The following SPARCL1 variants were observed in gnomAD, a reference collection of about 807,000 sequenced individuals.
The protein encoded by SPARCL1 is SPARC like 1, also known as SPARC-like protein 1.
In SPARCL1, 52 loss-of-function variants were observed where a neutral mutation model predicts 67.1. The observed-to-expected ratio is 0.78, with a 90% CI of 0.62 to 0.98. The LOEUF is 0.98. Among genes scored for constraint, SPARCL1 ranks in the 50% least tolerant of loss-of-function variants. The pLI is 0.00. For synonymous variants in SPARCL1, 226 were observed against 267.8 expected (o/e 0.84, Z 1.52); for missense variants, 717 against 782.4 (o/e 0.92, Z 1.00).
intron 1 of SPARCL1, among the ~76,000 whole-genome samples, chr4:87,499,894 T>C (rs1724777265): frequency 7.7e-6 from 1 of 129,784 alleles, no homozygotes; most frequent in Non-Finnish European, 1.6e-5. Context: ...GTATTCATAA[T>C]GAAAAAAAAA....
chr4:87,511,775 G>C (rs529903727), intron 1 of SPARCL1, among the ~76,000 whole-genome samples: 6 of 152,186 alleles, frequency 3.9e-5, no homozygotes, highest in African/African-American at 1.4e-4. Context: ...GTGGATGCCA[G>C]CCTGCAGTGA....
At chr4:87,511,936 A>ATTCCT (rs1207016258) in intron 1 of SPARCL1, among the ~76,000 whole-genome samples, 83 of 146,604 alleles carry the variant, frequency 5.7e-4, no homozygotes, top group South Asian at 4.6e-3. Flanking sequence ...GATCATTCAG[A>ATTCCT]TTCCTTTCCT....
In SPARCL1 at chr4:87,491,454, G is replaced by A. The variant is rs554677611; in HGVS notation, c.1291+164C>T. Among the ~76,000 whole-genome samples, 14 of 152,330 alleles carry A rather than the reference G, an allele frequency of 9.2e-5. No individual in the cohort carries two copies. The South Asian group carries it at 2.9e-3, about 32-fold the overall frequency. Reference sequence around the variant, plus strand: ...TTACCCATTGTTGTATATCAAGTATGCACAAGAAAATGTCAACAATTTATG... The same window carrying A: ...TTACCCATTGTTGTATATCAAGTATACACAAGAAAATGTCAACAATTTATG... On this transcript the variant is annotated intron_variant, in intron 5 of 10. Coordinates refer to ENST00000282470, the MANE Select transcript of SPARCL1 (RefSeq NM_004684.6).
chr4:87,494,733 T>C, intron 3 of SPARCL1, 135 bp from the exon 4 acceptor site: 1 of 886,234 alleles, frequency 1.1e-6, no homozygotes, highest in Non-Finnish European at 1.7e-6. Context: ...TTCCTCACAC[T>C]CTGTAGCCAC....
At chr4:87,492,114 T>G (rs1724372090) in intron 4 of SPARCL1, among the ~76,000 whole-genome samples, 1 of 150,520 alleles carries the variant, frequency 6.6e-6, no homozygotes, top group South Asian at 2.1e-4. Flanking sequence ...CAAGACTCCA[T>G]CTCTAAAAAC....
intron 1 of SPARCL1, among the ~76,000 whole-genome samples, chr4:87,502,481 C>T (rs954255620): frequency 2.6e-5 from 4 of 152,178 alleles, no homozygotes; most frequent in Non-Finnish European, 4.4e-5. Flanking sequence ...TCTATGAGAT[C>T]AACTTTTTCG....
At chr4:87,525,976 A>G (rs6814797) in intron 1 of SPARCL1, among the ~76,000 whole-genome samples, 46,125 of 152,064 alleles carry the variant, frequency 0.3, 7,695 homozygotes, top group South Asian at 0.42. Flanking sequence ...TTTCACTTGA[A>G]TTTCAGTTAG....
intron 2 of SPARCL1, among the ~76,000 whole-genome samples, chr4:87,496,181 G>A (rs1008125923): frequency 4.6e-5 from 7 of 152,012 alleles, no homozygotes; most frequent in African/African-American, 9.6e-5. Context: ...TTGACAGGTC[G>A]TTAATATTTT....
chr4:87,508,109 T>C (rs1045192565), intron 1 of SPARCL1, among the ~76,000 whole-genome samples: 1 of 152,200 alleles, frequency 6.6e-6, no homozygotes, highest in Admixed American at 6.5e-5. Context: ...ATAGGCACCA[T>C]TGACAACCAC....
chr4:87,522,679 A>G (rs73840208), intron 1 of SPARCL1, among the ~76,000 whole-genome samples: 16,839 of 148,296 alleles, frequency 0.11, 1,799 homozygotes, highest in East Asian at 0.36. Flanking sequence ...ACACACACAC[A>G]CACGCACACA....
At position 87,491,687 on chromosome 4, in the gene SPARCL1, T is replaced by G; in HGVS notation, c.1222A>C (p.Lys408Gln). The change falls in exon 5 of 11, where the codon AAG becomes CAG. Residue 408 changes from lysine (K) to glutamine (Q), a missense_variant. Transcript: ENST00000282470. ...TCATTTGATGAGTTCTCTGCTTTCT[T>G]GGCCTTTAGAATAACAAGAGCAAAA... ...TTEPGEHQEA[K>Q]KAENSSNEEE... 1 of 1,612,500 alleles carries G rather than the reference T, an allele frequency of 6.2e-7. No homozygotes were observed. The highest frequency in any genetic ancestry group is 2.2e-5 in the East Asian group (1 of 44,876).
intron 1 of SPARCL1, among the ~76,000 whole-genome samples, chr4:87,517,501 G>A (rs892094174): frequency 4.6e-5 from 7 of 152,108 alleles, no homozygotes; most frequent in African/African-American, 7.2e-5. Context: ...GTAATTATCA[G>A]ATAGATTAAT....
intron 4 of SPARCL1, among the ~76,000 whole-genome samples, chr4:87,491,952 CCCCAAA>C (rs771222971): frequency 0.28 from 27,293 of 99,108 alleles, 3,378 homozygotes; most frequent in South Asian, 0.48. Context: ...CCACCCCCCC[CCCCAAA>C]AAAAAAAAAA....
At chr4:87,505,901 G>A (rs1268128411) in intron 1 of SPARCL1, among the ~76,000 whole-genome samples, 1 of 152,028 alleles carries the variant, frequency 6.6e-6, no homozygotes, top group Non-Finnish European at 1.5e-5. Context: ...TACTGGTTTT[G>A]AAAACTATAG....
At chr4:87,487,787 T>G (rs1260161100) in intron 7 of SPARCL1, among the ~76,000 whole-genome samples, 1 of 152,170 alleles carries the variant, frequency 6.6e-6, no homozygotes, top group African/African-American at 2.4e-5. Flanking sequence ...AGGCTTTGTT[T>G]ATTCCTTTTC....
intron 1 of SPARCL1, among the ~76,000 whole-genome samples, chr4:87,522,175 C>T (rs1157745119): frequency 1.3e-5 from 2 of 152,012 alleles, no homozygotes; most frequent in East Asian, 1.9e-4. Flanking sequence ...GTGAAAAAGA[C>T]GTTCTTCTAT....
intron 1 of SPARCL1, among the ~76,000 whole-genome samples, chr4:87,518,914 C>T (rs1725691181): frequency 6.6e-6 from 1 of 152,138 alleles, no homozygotes; most frequent in African/African-American, 2.4e-5. Context: ...ATCCACTGAA[C>T]TAATGGCTTG....
chr4:87,481,260 G>A (rs963102906), intron 8 of SPARCL1, among the ~76,000 whole-genome samples: 1 of 152,102 alleles, frequency 6.6e-6, no homozygotes, highest in Non-Finnish European at 1.5e-5. Flanking sequence ...ATGTATCGAA[G>A]AACGCCCTCT....
At chr4:87,491,473 A>G (rs1724322409) in intron 5 of SPARCL1, 145 bp downstream of exon 5, 3 of 735,762 alleles carry the variant, frequency 4.1e-6, no homozygotes, top group Middle Eastern at 2.3e-4. Flanking sequence ...AATGTCAACA[A>G]TTTATGGGAG....
Sources: gnomAD v4.1 joint callset for allele counts (sites outside exome capture counted in the v4.1 genomes callset) on GRCh38, gnomAD v4.1.1 for gene constraint, MANE v1.5 for transcripts, NCBI Gene and HGNC (gene_info 2026-07-23, HGNC 2026-07-21) for gene names.